The following UST variants were observed in gnomAD, a reference collection of about 807,000 sequenced individuals.
The protein encoded by UST is uronyl 2-sulfotransferase, also known as chondroitin sulfate 2-O-sulfotransferase.
Under a neutral mutation model 45.6 loss-of-function variants are expected in UST, and 21 were observed. The ratio of observed to expected loss-of-function variants is 0.46; its 90% CI spans 0.33 to 0.66. UST has a LOEUF of 0.66. Among genes scored for constraint, UST ranks in the 30% least tolerant of loss-of-function variants. The pLI, the probability that UST is intolerant of heterozygous loss-of-function variation, is 0.02. For missense variants in UST, 463 were observed against 512.4 expected, an observed-to-expected ratio of 0.90 and a Z score of 0.93; for synonymous variants, 215 against 200.6, an observed-to-expected ratio of 1.07 and a Z score of -0.61.
chr6:148,868,823 T>C (rs1191112244), intron 1 of UST, among the ~76,000 whole-genome samples: 1 of 152,212 alleles, frequency 6.6e-6, no homozygotes, highest in Admixed American at 6.5e-5. Flanking sequence ...GACTGATGTT[T>C]ATGTATGTGA....
At chr6:148,750,251 T>C (rs1775964428) in intron 1 of UST, among the ~76,000 whole-genome samples, 1 of 152,234 alleles carries the variant, frequency 6.6e-6, no homozygotes, top group Non-Finnish European at 1.5e-5. Context: ...TGACACACAA[T>C]GGCCACTCAA....
At chr6:148,954,867 T>G (rs964470878) in intron 4 of UST, among the ~76,000 whole-genome samples, 7 of 152,242 alleles carry the variant, frequency 4.6e-5, no homozygotes, top group African/African-American at 1.7e-4. Flanking sequence ...TTTGTTAAAT[T>G]ACTAGCTTCA....
intron 2 of UST, among the ~76,000 whole-genome samples, chr6:148,931,468 C>T (rs9377178): frequency 0.34 from 51,485 of 152,000 alleles, 8,840 homozygotes; most frequent in South Asian, 0.45. Flanking sequence ...TCTATCCAAA[C>T]GCATTTTTGT....
In UST at chr6:148,970,227, G is replaced by T. The variant is rs569371889; in HGVS notation, c.681+5664G>T. ...CAAGATGGGTGAAGGAGGGGGCAAG[G>T]GAGGAGAGGAGGGACCAACAAAGGG... On this transcript the variant is annotated intron_variant, in intron 5 of 7. Coordinates refer to ENST00000367463, the MANE Select transcript of UST (RefSeq NM_005715.3). 1.7e-3 allele frequency among the ~76,000 whole-genome samples: 256 copies of T among 152,294 alleles called. 2 individuals are homozygous for T. The highest frequency in any genetic ancestry group is 0.013 in the South Asian group (65 of 4,824).
intron 7 of UST, among the ~76,000 whole-genome samples, chr6:149,058,744 A>T (rs901692918): frequency 5.9e-5 from 9 of 152,248 alleles, no homozygotes; most frequent in Admixed American, 3.3e-4. Context: ...GTTGATAAAG[A>T]CATAGTAATT....
At chr6:148,827,873 A>G (rs1777604653) in intron 1 of UST, among the ~76,000 whole-genome samples, 1 of 152,136 alleles carries the variant, frequency 6.6e-6, no homozygotes, top group Admixed American at 6.5e-5. Context: ...ACCCTCAAGC[A>G]TGTATTTTTA....
intron 3 of UST, among the ~76,000 whole-genome samples, chr6:148,942,385 G>A (rs568971080): frequency 4.2e-4 from 64 of 151,798 alleles, no homozygotes; most frequent in South Asian, 4.2e-4. Context: ...GTGAAACTGC[G>A]TCTCTACTAA....
At chr6:148,957,635 T>G (rs1760502284) in intron 4 of UST, among the ~76,000 whole-genome samples, 1 of 152,188 alleles carries the variant, frequency 6.6e-6, no homozygotes, top group Admixed American at 6.5e-5. Context: ...GGTTTCACCA[T>G]GTTGGCCAGG....
rs573522873 is a variant in UST at position 148,752,655 on chromosome 6, A to G, written c.247+4978A>G. 7.3e-4 allele frequency among the ~76,000 whole-genome samples: 111 copies of G among 152,342 alleles called. 1 individual carries two copies. Among genetic ancestry groups the G allele is most frequent in the Middle Eastern group, 6.8e-3 (2 of 294 alleles). ...TCTTTCTTCAAATTCCCTGTCATCA[A>G]TCCAGGCTTAAGACAGTGGTTAGTT... On this transcript the variant is annotated intron_variant, in intron 1 of 7. Coordinates refer to ENST00000367463, the MANE Select transcript of UST (RefSeq NM_005715.3).
At chr6:148,927,476 G>A (rs1166816587) in intron 2 of UST, among the ~76,000 whole-genome samples, 3 of 152,176 alleles carry the variant, frequency 2.0e-5, no homozygotes, top group African/African-American at 7.2e-5. Flanking sequence ...TTGTCCTACA[G>A]TGTAGTGGAT....
chr6:148,936,211 T>A (rs1483053967), intron 2 of UST, among the ~76,000 whole-genome samples: 1 of 152,120 alleles, frequency 6.6e-6, no homozygotes, highest in Non-Finnish European at 1.5e-5. Context: ...ATCTACATAG[T>A]GTAAAGGAAA....
chr6:148,872,271 T>C (rs754567999), intron 1 of UST, among the ~76,000 whole-genome samples: 6 of 152,208 alleles, frequency 3.9e-5, no homozygotes, highest in Non-Finnish European at 8.8e-5. Flanking sequence ...ATTTTGATGG[T>C]ACACTGAAGT....
rs1223663679 is a variant in UST, at chr6:148,934,665, A to G, written c.292-6614A>G. Among the ~76,000 whole-genome samples the G allele has an allele frequency of 6.6e-6, 1 of 152,098 alleles. No individual in the cohort carries two copies. The highest frequency in any genetic ancestry group is 1.5e-5 in the Non-Finnish European group (1 of 68,014). On this transcript the variant is annotated intron_variant, in intron 2 of 7. Transcript: ENST00000367463. This position sits in a 1 kb window ranked among gnomAD's most constrained non-coding sequence, Gnocchi z 4.1. ...TTCTCCCCAGCCTTAATCCCTCAGAAGGCTTCAAGGACCCACTCAGCCACT... is the reference window on the plus strand; with the variant it reads ...TTCTCCCCAGCCTTAATCCCTCAGAGGGCTTCAAGGACCCACTCAGCCACT...
intron 5 of UST, among the ~76,000 whole-genome samples, chr6:148,987,947 C>T (rs1781267277): frequency 6.6e-6 from 1 of 152,034 alleles, no homozygotes; most frequent in Non-Finnish European, 1.5e-5. Context: ...AGAATATGGA[C>T]TATGCTCTCG....
intron 1 of UST, among the ~76,000 whole-genome samples, chr6:148,768,462 C>T (rs1776359161): frequency 6.6e-6 from 1 of 151,966 alleles, no homozygotes; most frequent in East Asian, 1.9e-4. Context: ...TTTTATTTTT[C>T]CTGTGCATTA....
chr6:148,855,512 G>C (rs905420852), intron 1 of UST, among the ~76,000 whole-genome samples: 1 of 152,210 alleles, frequency 6.6e-6, no homozygotes, highest in Admixed American at 6.5e-5. Context: ...TGCTGGGAAG[G>C]TCACTGTTCC....
Position 148,790,831 on chromosome 6 carries a change from G to A in UST, c.247+43154G>A, listed in dbSNP as rs142961397. Among the ~76,000 whole-genome samples the A allele has an allele frequency of 3.9e-4, 60 of 152,318 alleles. No individual in the cohort carries two copies. The East Asian group carries it at 9.5e-3, about 24-fold the overall frequency. On this transcript the variant is annotated intron_variant, in intron 1 of 7. Coordinates refer to ENST00000367463, the MANE Select transcript of UST (RefSeq NM_005715.3). The surrounding 1 kb of genome is among the most constrained non-coding windows in gnomAD (Gnocchi z 4.2). ...GCCATCCCAGTTCCAGAGCTCCTGT[G>A]GGACAGGCTGAGCTCCGTTGCAGCT...
At chr6:148,843,275 C>T (rs1040500399) in intron 1 of UST, among the ~76,000 whole-genome samples, 2 of 152,190 alleles carry the variant, frequency 1.3e-5, no homozygotes, top group African/African-American at 2.4e-5. Flanking sequence ...TGCTAGGGGA[C>T]TTTTGGCCAA....
At chr6:149,072,720 T>C (rs1338169977) in intron 7 of UST, among the ~76,000 whole-genome samples, 2 of 151,112 alleles carry the variant, frequency 1.3e-5, no homozygotes, top group Non-Finnish European at 2.9e-5. Flanking sequence ...GAAAACATGC[T>C]TAGTGAAATA....
Sources: allele counts gnomAD v4.1 joint callset (sites outside exome capture counted in the v4.1 genomes callset), GRCh38; gene constraint gnomAD v4.1.1; non-coding constraint Gnocchi (gnomAD v3.1); transcripts MANE v1.5; gene names NCBI Gene and HGNC (gene_info 2026-07-23, HGNC 2026-07-21).